Variants in GDNF observed in about 807,000 individuals in gnomAD.
GDNF encodes the protein glial cell line-derived neurotrophic factor.
GDNF carries 5 observed loss-of-function variants against 13.7 expected under a neutral mutation model. The observed-to-expected ratio is 0.36, with a 90% CI of 0.19 to 0.77. The LOEUF (loss-of-function observed/expected upper bound fraction) is 0.77. Ranked by LOEUF, GDNF falls within the 30% of genes least tolerant of loss-of-function variation. The pLI is 0.51. For synonymous variants in GDNF, 122 were observed against 112.5 expected (o/e 1.08, Z -0.53); for missense variants, 246 against 274.3 (o/e 0.90, Z 0.73).
At chr5:37,818,207 G>T (rs1750000654) in intron 2 of GDNF, among the ~76,000 whole-genome samples, 1 of 152,198 alleles carries the variant, frequency 6.6e-6, no homozygotes, top group Admixed American at 6.5e-5. Context: ...GGAGAGGCCT[G>T]ATATGGTATG....
At chr5:37,816,470 T>A (rs547576109) in intron 2 of GDNF, among the ~76,000 whole-genome samples, 2 of 152,322 alleles carry the variant, frequency 1.3e-5, no homozygotes, top group Non-Finnish European at 2.9e-5. Context: ...CTAGGGGCAT[T>A]TTTCTTGCCT....
At chr5:37,831,428 A>G (rs1162050023) in intron 2 of GDNF, among the ~76,000 whole-genome samples, 1 of 152,262 alleles carries the variant, frequency 6.6e-6, no homozygotes, top group African/African-American at 2.4e-5. Flanking sequence ...TTTTAAAACC[A>G]CATGCATTTT....
intron 1 of GDNF, chr5:37,835,613 A>G (rs1397201877): frequency 6.5e-7 from 1 of 1,543,692 alleles, no homozygotes; most frequent in Non-Finnish European, 8.8e-7. Flanking sequence ...ACATGTAGTA[A>G]GAGCTCAGTA....
At position 37,839,898 on chromosome 5, in the gene GDNF, C is replaced by G. The variant is rs1750838248; in HGVS notation, c.-418G>C. On this transcript the variant is annotated 5_prime_UTR_variant, in exon 1 of 3. Transcript: ENST00000326524. The surrounding 1 kb of genome is among the most constrained non-coding windows in gnomAD (Gnocchi z 5.5). ...GCAGCTGCCGCGCTCTGCGCCTCCT[C>G]TGGGCGCACTGCCTGGGAGCACGAG... The G allele has an allele frequency of 6.6e-6, 1 of 152,382 alleles. No individual in the cohort carries two copies. Among genetic ancestry groups the G allele is most frequent in the Admixed American group, 6.5e-5 (1 of 15,284 alleles). The allele number at this position is 152,382 out of a possible 1,614,324, so 9.4% of individuals were successfully genotyped here.
chr5:37,821,320 C>T (rs545989963), intron 2 of GDNF, among the ~76,000 whole-genome samples: 2 of 152,276 alleles, frequency 1.3e-5, no homozygotes, highest in South Asian at 4.2e-4. Context: ...TAAATTAAGA[C>T]TTACTGGCGC....
chr5:37,831,006 A>G (rs970700730), intron 2 of GDNF, among the ~76,000 whole-genome samples: 1 of 152,216 alleles, frequency 6.6e-6, no homozygotes, highest in Admixed American at 6.5e-5. Context: ...GTTCAGTTAT[A>G]TCGTGGTTTA....
At chr5:37,819,089 G>T (rs1365424418) in intron 2 of GDNF, among the ~76,000 whole-genome samples, 1 of 152,202 alleles carries the variant, frequency 6.6e-6, no homozygotes, top group Non-Finnish European at 1.5e-5. Context: ...GCTTGAGTAG[G>T]CTGTGGAGGC....
chr5:37,821,828 G>A (rs538001849), intron 2 of GDNF, among the ~76,000 whole-genome samples: 1 of 152,216 alleles, frequency 6.6e-6, no homozygotes, highest in Admixed American at 6.5e-5. Context: ...CAATGGTGAG[G>A]GCTCCAAGTC....
At chr5:37,821,515 A>G (rs1182129600) in intron 2 of GDNF, among the ~76,000 whole-genome samples, 1 of 152,210 alleles carries the variant, frequency 6.6e-6, no homozygotes, top group African/African-American at 2.4e-5. Context: ...AAACATGTCC[A>G]TCTAAAATAT....
chr5:37,816,650 A>G (rs1217554952), intron 2 of GDNF, among the ~76,000 whole-genome samples: 1 of 152,102 alleles, frequency 6.6e-6, no homozygotes, highest in Non-Finnish European at 1.5e-5. Flanking sequence ...ATTCTAATGT[A>G]AAAGATCCAC....
Position 37,815,785 on chromosome 5 carries a change from T to C in GDNF, c.502A>G (p.Arg168Gly), listed in dbSNP as rs1295407550. The C allele has an allele frequency of 1.2e-6, 2 of 1,614,068 alleles. No individual in the cohort carries two copies. The highest frequency in any genetic ancestry group is 1.7e-6 in the Non-Finnish European group (2 of 1,180,032). Residue 168 changes from arginine (R) to glycine (G), a missense_variant, in exon 3 of 3, where the codon AGG (arginine) becomes GGG (glycine). Transcript: ENST00000326524. The surrounding 1 kb of genome is among the most constrained non-coding windows in gnomAD (Gnocchi z 5.0). ...KILKNLSRNR[R>G]LVSDKVGQAC... ...TGCCCTACTTTGTCACTCACCAGCCTTCTATTTCTGGATAAGTTTTTCAAT... is the reference window on the plus strand; with the variant it reads ...TGCCCTACTTTGTCACTCACCAGCCCTCTATTTCTGGATAAGTTTTTCAAT...
chr5:37,835,731 A>G (rs892921149), intron 1 of GDNF: 1 of 1,321,442 alleles, frequency 7.6e-7, no homozygotes, highest in African/African-American at 1.5e-5. Flanking sequence ...CACCTTTGAG[A>G]GATTCTGGCC....
chr5:37,828,693 C>G (rs1053969913), intron 2 of GDNF, among the ~76,000 whole-genome samples: 1 of 152,210 alleles, frequency 6.6e-6, no homozygotes, highest in Non-Finnish European at 1.5e-5. Context: ...CTCCTTTCTT[C>G]ACCTGTAAAA....
chr5:37,823,632 C>T (rs1422665683), intron 2 of GDNF, among the ~76,000 whole-genome samples: 1 of 151,282 alleles, frequency 6.6e-6, no homozygotes, highest in East Asian at 1.9e-4. Context: ...GCCCCATCTC[C>T]GGAAGCTCCT....
chr5:37,838,538 G>A lies in GDNF; in HGVS notation c.-27+969C>T, dbSNP rs1442744236. Among the ~76,000 whole-genome samples the A allele has an allele frequency of 1.3e-5, 2 of 152,242 alleles. No individual in the cohort carries two copies. The highest frequency in any genetic ancestry group is 4.8e-5 in the African/African-American group (2 of 41,472). On this transcript the variant is annotated intron_variant, in intron 1 of 2. Coordinates refer to ENST00000326524, the MANE Select transcript of GDNF (RefSeq NM_000514.4). The surrounding 1 kb of genome is among the most constrained non-coding windows in gnomAD (Gnocchi z 4.1). Reference sequence around the variant, plus strand: ...CCGCCTATGAGCAGAAGGGTCGCGAGCTCTGGGATGGGTAAGCCCCCCGGG... The same window carrying A: ...CCGCCTATGAGCAGAAGGGTCGCGAACTCTGGGATGGGTAAGCCCCCCGGG...
chr5:37,836,618 G>C (rs989452743), intron 1 of GDNF, among the ~76,000 whole-genome samples: 1 of 152,214 alleles, frequency 6.6e-6, no homozygotes, highest in Non-Finnish European at 1.5e-5. Flanking sequence ...AGCCCAGAAA[G>C]GTACTTTGGC....
chr5:37,820,689 G>C (rs1440270616), intron 2 of GDNF, among the ~76,000 whole-genome samples: 2 of 152,176 alleles, frequency 1.3e-5, no homozygotes, highest in Non-Finnish European at 2.9e-5. Context: ...GGGGTAGGGA[G>C]TATATGGGAA....
At chr5:37,834,990 C>T in intron 1 of GDNF, 168 bp from the exon 2 acceptor site, 1 of 623,738 alleles carries the variant, frequency 1.6e-6, no homozygotes, top group Non-Finnish European at 2.8e-6. Context: ...GTCCCCAGTT[C>T]GCTTCTCCCT....
chr5:37,817,472 AAAG>A (rs1749974411), intron 2 of GDNF, among the ~76,000 whole-genome samples: 1 of 152,180 alleles, frequency 6.6e-6, no homozygotes, highest in Non-Finnish European at 1.5e-5. Context: ...TAAAGCATAG[AAAG>A]ATTACATTAT....
Sources: gnomAD v4.1 joint callset for allele counts (sites outside exome capture counted in the v4.1 genomes callset) on GRCh38, gnomAD v4.1.1 for gene constraint, Gnocchi (gnomAD v3.1) non-coding constraint, MANE v1.5 for transcripts, NCBI Gene and HGNC (gene_info 2026-07-23, HGNC 2026-07-21) for gene names.